Variants in GADL1 observed in about 807,000 individuals in gnomAD.
GADL1 encodes the protein GAD like acidic amino acid decarboxylase 1.
Under a neutral mutation model 69.5 loss-of-function variants are expected in GADL1, and 71 were observed. The observed-to-expected ratio is 1.02, with a 90% confidence interval of 0.84 to 1.25. The LOEUF (loss-of-function observed/expected upper bound fraction) is 1.25. Ranked by LOEUF, GADL1 falls within the 50% of genes most tolerant of loss-of-function variation. The pLI, the probability that GADL1 is intolerant of heterozygous loss-of-function variation, is 0.00. For synonymous variants in GADL1, 254 were observed against 214.4 expected, an observed-to-expected ratio of 1.18 and a Z score of -1.62; for missense variants, 737 against 631.8, an observed-to-expected ratio of 1.17 and a Z score of -1.79.
At chr3:30,882,327 T>TGAA (rs1367009630) in intron 1 of GADL1, among the ~76,000 whole-genome samples, 1 of 151,892 alleles carries the variant, frequency 6.6e-6, no homozygotes, top group Non-Finnish European at 1.5e-5. Context: ...GTATACTCAT[T>TGAA]GAATAATTCC....
Position 30,800,875 on chromosome 3 carries a change from AG to A in GADL1, c.1250+13del. ...CAGAAAGAGAGAGAGAGAGAGAGAG[AG>A]AGAGGCTAGTACCTAGATAAAGCAA... On this transcript the variant is annotated intron_variant, in intron 12 of 14. Transcript: ENST00000282538. 6.4e-7 allele frequency: 1 copy of A among 1,564,730 alleles called. No homozygotes were observed. Among genetic ancestry groups the A allele is most frequent in the Non-Finnish European group, 8.7e-7 (1 of 1,143,550 alleles).
intron 2 of GADL1, among the ~76,000 whole-genome samples, chr3:30,860,377 T>C (rs1380899576): frequency 1.3e-5 from 2 of 151,940 alleles, no homozygotes; most frequent in African/African-American, 2.4e-5. Context: ...AATACTCAGT[T>C]AATATTTAAT....
chr3:30,810,142 A>G (rs1352077843), intron 11 of GADL1, among the ~76,000 whole-genome samples: 1 of 152,158 alleles, frequency 6.6e-6, no homozygotes, highest in Non-Finnish European at 1.5e-5. Context: ...TTTGATCTCC[A>G]GTTTCTCAAA....
chr3:30,885,817 G>C (rs1698696197), intron 1 of GADL1, among the ~76,000 whole-genome samples: 1 of 151,684 alleles, frequency 6.6e-6, no homozygotes. Flanking sequence ...ATGCTGCCCA[G>C]GCTGGTTTCG....
intron 13 of GADL1, among the ~76,000 whole-genome samples, chr3:30,780,299 T>C (rs560085588): frequency 7.2e-5 from 11 of 152,224 alleles, no homozygotes; most frequent in African/African-American, 2.6e-4. Flanking sequence ...CAATGTAACA[T>C]CTCAGTAAAC....
intron 14 of GADL1, among the ~76,000 whole-genome samples, chr3:30,741,135 T>C (rs1695618849): frequency 8.8e-6 from 1 of 113,552 alleles, no homozygotes; most frequent in Non-Finnish European, 1.8e-5. Flanking sequence ...TATATATATA[T>C]ATATGTGTGA....
intron 11 of GADL1, among the ~76,000 whole-genome samples, chr3:30,815,667 G>A (rs1231560101): frequency 6.6e-6 from 1 of 152,202 alleles, no homozygotes; most frequent in Non-Finnish European, 1.5e-5. Context: ...GTGGAAATGA[G>A]TTAGAATTAG....
chr3:30,760,552 C>G (rs1355635603), intron 14 of GADL1, among the ~76,000 whole-genome samples: 2 of 152,144 alleles, frequency 1.3e-5, no homozygotes, highest in Non-Finnish European at 2.9e-5. Context: ...TCCTCTTTCT[C>G]TTACCATCTT....
chr3:30,758,835 C>T (rs1310650646), intron 14 of GADL1, among the ~76,000 whole-genome samples: 5 of 152,196 alleles, frequency 3.3e-5, no homozygotes, highest in African/African-American at 1.2e-4. Context: ...TTTGTAAAAG[C>T]TGGTACAAGT....
At chr3:30,850,793 G>T in intron 5 of GADL1, 42 bp downstream of exon 5, 2 of 1,145,712 alleles carry the variant, frequency 1.7e-6, no homozygotes, top group Non-Finnish European at 2.6e-6. Context: ...ATTTTTACGT[G>T]GTTGTATTGG....
At chr3:30,886,451 T>C (rs1203896076) in intron 1 of GADL1, among the ~76,000 whole-genome samples, 3 of 152,070 alleles carry the variant, frequency 2.0e-5, no homozygotes, top group Admixed American at 1.3e-4. Flanking sequence ...TTTTGCATTA[T>C]AAAGAACAAA....
chr3:30,820,987 C>A lies in GADL1; in HGVS notation c.1050+12866G>T, dbSNP rs1407799305. Among the ~76,000 whole-genome samples the A allele has an allele frequency of 2.0e-5, 3 of 152,066 alleles. No individual in the cohort carries two copies. The South Asian group carries it at 6.2e-4, about 32-fold the overall frequency. On this transcript the variant is annotated intron_variant, in intron 11 of 14. Coordinates refer to ENST00000282538, the MANE Select transcript of GADL1 (RefSeq NM_207359.3). ...CACATATACACCATGGAATACTATG[C>A]AGCCATAAAAAATGATGAGTTCATG...
At chr3:30,876,845 A>G (rs1007604281) in intron 1 of GADL1, among the ~76,000 whole-genome samples, 16 of 151,956 alleles carry the variant, frequency 1.1e-4, no homozygotes, top group African/African-American at 3.9e-4. Flanking sequence ...ATTAACACCC[A>G]GAGTTACCCA....
intron 1 of GADL1, among the ~76,000 whole-genome samples, chr3:30,893,614 T>C (rs551752174): frequency 2.6e-5 from 4 of 152,284 alleles, no homozygotes; most frequent in Non-Finnish European, 4.4e-5. Flanking sequence ...ATAAAAATAA[T>C]AATGATAGTA....
chr3:30,823,414 G>A (rs1021435168), intron 11 of GADL1, among the ~76,000 whole-genome samples: 1 of 151,794 alleles, frequency 6.6e-6, no homozygotes, highest in African/African-American at 2.4e-5. Flanking sequence ...TTCTTGTTTG[G>A]GACCCAAAGG....
chr3:30,728,772 TA>T (rs11412635), intron 14 of GADL1, among the ~76,000 whole-genome samples: 1 of 152,094 alleles, frequency 6.6e-6, no homozygotes. Context: ...GCTGCCTCAT[TA>T]AAAACAAATC....
At chr3:30,762,139 T>C (rs1273213640) in intron 14 of GADL1, among the ~76,000 whole-genome samples, 1 of 152,176 alleles carries the variant, frequency 6.6e-6, no homozygotes, top group Non-Finnish European at 1.5e-5. Context: ...GGAAAGTCTT[T>C]ACATAGTGGA....
At chr3:30,791,852 T>C (rs758865523) in intron 12 of GADL1, among the ~76,000 whole-genome samples, 6 of 152,128 alleles carry the variant, frequency 3.9e-5, no homozygotes, top group Non-Finnish European at 7.4e-5. Context: ...TGAATAAGTC[T>C]CTCAGGATCT....
At chr3:30,762,485 CTT>C (rs976201456) in intron 14 of GADL1, among the ~76,000 whole-genome samples, 4 of 152,060 alleles carry the variant, frequency 2.6e-5, no homozygotes, top group African/African-American at 4.8e-5. Context: ...AAACTTTTAA[CTT>C]TTGTGGGCAC....
Sources: gnomAD v4.1 joint callset for allele counts (sites outside exome capture counted in the v4.1 genomes callset) on GRCh38, gnomAD v4.1.1 for gene constraint, MANE v1.5 for transcripts, NCBI Gene and HGNC (gene_info 2026-07-23, HGNC 2026-07-21) for gene names.